DLGAP4: variants seen among roughly 807,000 people sequenced by gnomAD.
DLGAP4 encodes the protein disks large-associated protein 4.
A neutral mutation model predicts 86.9 loss-of-function variants in DLGAP4; 18 were observed. The observed-to-expected ratio is 0.21, with a 90% confidence interval of 0.14 to 0.31. The LOEUF is 0.31. Ranked by LOEUF, DLGAP4 falls within the 10% of genes least tolerant of loss-of-function variation. The probability of loss-of-function intolerance (pLI) is 1.00; values close to 1 mark genes in which losing one functional copy is unlikely to be tolerated. For missense variants in DLGAP4, 1,085 were observed against 1,362.6 expected (o/e 0.80, Z 3.21); for synonymous variants, 548 against 574.3 (o/e 0.95, Z 0.65).
Position 36,357,882 on chromosome 20 carries a change from G to A in DLGAP4, c.-303-9163G>A, listed in dbSNP as rs141955348. ...CGGTGAGGGGGCTGCGGATCCCGTC[G>A]GAAAGTTTAAGGTTTTACAAGACTA... On this transcript the variant is annotated intron_variant, in intron 1 of 12. Transcript: ENST00000339266. Among the ~76,000 whole-genome samples, 860 of 152,290 alleles carry A rather than the reference G, an allele frequency of 5.6e-3. 7 individuals are homozygous for A. Among genetic ancestry groups the A allele is most frequent in the African/African-American group, 0.019 (790 of 41,560 alleles).
chr20:36,336,864 C>T (rs2065327812), intron 1 of DLGAP4, among the ~76,000 whole-genome samples: 1 of 152,248 alleles, frequency 6.6e-6, no homozygotes, highest in South Asian at 2.1e-4. Flanking sequence ...CCTTCTCCTT[C>T]CTGGGGCCAC....
intron 2 of DLGAP4, among the ~76,000 whole-genome samples, chr20:36,390,597 C>A (rs940419629): frequency 1.3e-5 from 2 of 152,186 alleles, no homozygotes; most frequent in South Asian, 4.1e-4. Context: ...CTGTACCCCC[C>A]TCTAGTCTAA....
At chr20:36,514,155 T>G (rs1172970798) in intron 10 of DLGAP4, among the ~76,000 whole-genome samples, 1 of 111,328 alleles carries the variant, frequency 9.0e-6, no homozygotes, top group Non-Finnish European at 1.7e-5. Flanking sequence ...TGAACAACGT[T>G]CTCAAGGGAG....
chr20:36,398,969 G>A (rs185652444), intron 2 of DLGAP4, among the ~76,000 whole-genome samples: 1 of 152,274 alleles, frequency 6.6e-6, no homozygotes, highest in Admixed American at 6.5e-5. Flanking sequence ...GAGGCGGGTG[G>A]ATCACTTGAG....
chr20:36,522,725 C>CCAGA (rs1464298561), intron 10 of DLGAP4, among the ~76,000 whole-genome samples: 2 of 152,160 alleles, frequency 1.3e-5, no homozygotes, highest in African/African-American at 4.8e-5. Flanking sequence ...ACCAGGTTGG[C>CCAGA]CAGACTGGTC....
intron 2 of DLGAP4, among the ~76,000 whole-genome samples, chr20:36,409,224 G>A (rs948764611): frequency 7.2e-5 from 11 of 151,860 alleles, no homozygotes; most frequent in African/African-American, 2.4e-4. Flanking sequence ...TCTTAGTAGA[G>A]GCGGAGTTTT....
intron 2 of DLGAP4, among the ~76,000 whole-genome samples, chr20:36,381,079 A>T (rs1001116212): frequency 1.3e-5 from 2 of 152,268 alleles, no homozygotes; most frequent in Non-Finnish European, 2.9e-5. Flanking sequence ...GAAAGATTCT[A>T]AGAGATATTT....
chr20:36,423,872 A>G (rs2032900169), intron 2 of DLGAP4, among the ~76,000 whole-genome samples: 1 of 151,904 alleles, frequency 6.6e-6, no homozygotes, highest in African/African-American at 2.4e-5. Context: ...AGGCGGGAGA[A>G]TTGCTTGAAC....
In DLGAP4 at chr20:36,525,989, A is replaced by AC. The variant is rs2037732747; in HGVS notation, c.2748dup (p.Glu917ArgfsTer90). ...GGCCAACAGCTGGCAGCTGGTGGAG[A>AC]CCCCCGAGAAGAGGAAGGTGAGCAT... is the stretch of plus-strand genomic sequence containing the variant. On this transcript the variant is annotated frameshift_variant, in exon 12 of 13. Coordinates refer to ENST00000339266, the MANE Select transcript of DLGAP4 (RefSeq NM_001365621.2). LOFTEE classifies it high-confidence loss of function. The AC allele has an allele frequency of 6.2e-7, 1 of 1,613,686 alleles. No homozygotes were observed. The highest frequency in any genetic ancestry group is 8.5e-7 in the Non-Finnish European group (1 of 1,179,936).
chr20:36,510,013 C>T (rs1299508467), intron 10 of DLGAP4, among the ~76,000 whole-genome samples: 1 of 151,828 alleles, frequency 6.6e-6, no homozygotes, highest in African/African-American at 2.4e-5. Flanking sequence ...TGCGCCACCA[C>T]GCCCCACTAA....
rs368962090 is a variant in DLGAP4, at chr20:36,320,569, G to A, written c.-304+14057G>A. ...CTCCCTTGCTGCATGCCCTGCATTG[G>A]AAAGCAGATATATTTAGACGAAATG... On this transcript the variant is annotated intron_variant, in intron 1 of 12. Transcript: ENST00000339266. Among the ~76,000 whole-genome samples the A allele has an allele frequency of 1.4e-4, 21 of 152,272 alleles. 1 individual carries two copies. The South Asian group carries it at 4.4e-3, about 32-fold the overall frequency.
intron 1 of DLGAP4, among the ~76,000 whole-genome samples, chr20:36,325,022 TTTG>T (rs1555890913): frequency 6.6e-6 from 1 of 152,154 alleles, no homozygotes; most frequent in Non-Finnish European, 1.5e-5. Context: ...TTTTTCTAGT[TTTG>T]TTTTTTTTAA....
chr20:36,453,990 T>G (rs1163141039), intron 7 of DLGAP4, among the ~76,000 whole-genome samples: 10 of 103,676 alleles, frequency 9.6e-5, no homozygotes, highest in Admixed American at 2.1e-4. Flanking sequence ...GAAAAAAGAG[T>G]CCGGGCACAG....
intron 8 of DLGAP4, chr20:36,499,192 TC>T (rs1341716686): frequency 1.3e-6 from 2 of 1,554,758 alleles, no homozygotes; most frequent in African/African-American, 2.8e-5. Flanking sequence ...GTGTGTGTTT[TC>T]TTTCTCTTTC....
At position 36,420,664 on chromosome 20, in the gene DLGAP4, C is replaced by T. The variant is rs571262230; in HGVS notation, c.-72-10982C>T. ...ACTGGCCTGGGCAACATGGGGAAAC[C>T]TTGTCTCTATAAAAAACACAAAAAT... is the stretch of plus-strand genomic sequence containing the variant. On this transcript the variant is annotated intron_variant, in intron 2 of 12. Transcript: ENST00000339266. Among the ~76,000 whole-genome samples, 4 of 152,118 alleles carry T rather than the reference C, an allele frequency of 2.6e-5. No individual in the cohort carries two copies. In the South Asian group the frequency reaches 8.3e-4, roughly 32 times the overall value.
At chr20:36,443,881 T>C (rs2033518948) in intron 6 of DLGAP4, among the ~76,000 whole-genome samples, 1 of 152,220 alleles carries the variant, frequency 6.6e-6, no homozygotes, top group South Asian at 2.1e-4. Context: ...TTCTCTCATT[T>C]CATCTTGACC....
intron 2 of DLGAP4, among the ~76,000 whole-genome samples, chr20:36,417,020 C>G (rs1384392808): frequency 6.6e-6 from 1 of 152,162 alleles, no homozygotes; most frequent in Non-Finnish European, 1.5e-5. Flanking sequence ...TCCCTCCCCT[C>G]TTGGAGCTCA....
chr20:36,334,086 C>T (rs2065297294), intron 1 of DLGAP4, among the ~76,000 whole-genome samples: 2 of 152,228 alleles, frequency 1.3e-5, no homozygotes, highest in South Asian at 4.1e-4. Flanking sequence ...GTGTGCCAGG[C>T]ACAGGGCTGG....
At chr20:36,499,170 CTTTG>C in intron 8 of DLGAP4, 1 of 1,385,072 alleles carries the variant, frequency 7.2e-7, no homozygotes, top group Non-Finnish European at 1.0e-6. Context: ...ACGGCTGTGG[CTTTG>C]TGTGTGTGTG....
Sources: allele counts gnomAD v4.1 joint callset (sites outside exome capture counted in the v4.1 genomes callset), GRCh38; gene constraint gnomAD v4.1.1; transcripts MANE v1.5; gene names NCBI Gene and HGNC (gene_info 2026-07-23, HGNC 2026-07-21).